Variants in CA10 observed in about 807,000 individuals in gnomAD.
CA10 encodes the protein carbonic anhydrase-related protein 10.
Under a neutral mutation model 44.2 loss-of-function variants are expected in CA10, and 14 were observed. That is an observed-to-expected ratio of 0.32 (90% CI 0.21 to 0.50). The LOEUF is 0.50. Among genes scored for constraint, CA10 ranks in the 20% least tolerant of loss-of-function variants. CA10 has a pLI of 0.99. For synonymous variants in CA10, 159 were observed against 141.6 expected, an observed-to-expected ratio of 1.12 and a Z score of -0.87; for missense variants, 350 against 409.7, an observed-to-expected ratio of 0.85 and a Z score of 1.26.
At chr17:51,831,733 A>AGCAGCAGCAGCAGCCGCAGC (rs1567854687) in intron 3 of CA10, among the ~76,000 whole-genome samples, 4 of 121,522 alleles carry the variant, frequency 3.3e-5, no homozygotes, top group African/African-American at 1.7e-4. Context: ...GCAGCAGCAG[A>AGCAGCAGCAGCAGCCGCAGC]AAAAGACCTT....
chr17:52,059,753 T>C (rs1265138020), intron 2 of CA10, among the ~76,000 whole-genome samples: 1 of 152,082 alleles, frequency 6.6e-6, no homozygotes, highest in African/African-American at 2.4e-5. Context: ...ACTGACTACC[T>C]CCAATGGAGA....
chr17:52,140,997 G>C (rs1270968631), intron 1 of CA10, among the ~76,000 whole-genome samples: 2 of 152,116 alleles, frequency 1.3e-5, no homozygotes, highest in Non-Finnish European at 2.9e-5. Context: ...TCCTAAAATT[G>C]CTTGTTCTCC....
At chr17:52,145,433 C>T (rs898137606) in intron 1 of CA10, among the ~76,000 whole-genome samples, 4 of 152,120 alleles carry the variant, frequency 2.6e-5, no homozygotes, top group Non-Finnish European at 5.9e-5. Context: ...AAATTAATTC[C>T]TCCATGCCAC....
intron 2 of CA10, among the ~76,000 whole-genome samples, chr17:51,935,013 A>AT (rs1982809412): frequency 6.6e-6 from 1 of 152,094 alleles, no homozygotes; most frequent in African/African-American, 2.4e-5. Context: ...CAGAGCAAGG[A>AT]TGGGCGTATG....
chr17:51,670,903 T>C (rs763510060), intron 4 of CA10, among the ~76,000 whole-genome samples: 1 of 152,196 alleles, frequency 6.6e-6, no homozygotes, highest in African/African-American at 2.4e-5. Flanking sequence ...TTGTGTCTGA[T>C]GCCAAAAACA....
intron 3 of CA10, among the ~76,000 whole-genome samples, chr17:51,888,069 G>A (rs922110794): frequency 4.6e-5 from 7 of 151,816 alleles, no homozygotes; most frequent in African/African-American, 1.7e-4. Context: ...AAAACTGTGT[G>A]TGATCACTTC....
At chr17:52,054,614 G>T (rs1385098857) in intron 2 of CA10, among the ~76,000 whole-genome samples, 1 of 151,886 alleles carries the variant, frequency 6.6e-6, no homozygotes, top group Admixed American at 6.6e-5. Context: ...TTGCGGCTTG[G>T]GGGGCATCAC....
At chr17:51,666,605 G>A (rs778485563) in intron 4 of CA10, among the ~76,000 whole-genome samples, 1 of 152,022 alleles carries the variant, frequency 6.6e-6, no homozygotes, top group Non-Finnish European at 1.5e-5. Flanking sequence ...GCCTGCCCAG[G>A]TTCTTGGTGA....
At chr17:51,948,799 A>G (rs1983377188) in intron 2 of CA10, among the ~76,000 whole-genome samples, 1 of 152,136 alleles carries the variant, frequency 6.6e-6, no homozygotes, top group Non-Finnish European at 1.5e-5. Flanking sequence ...CCTAATTGAC[A>G]TAACTTATTA....
At position 51,784,559 on chromosome 17, in the gene CA10, C is replaced by A. The variant is rs573448651; in HGVS notation, c.280-36741G>T. ...TGGTAATTACCATTAGACACTCAAC[C>A]TCCATGAGAACAACTTTTTCTAGCT... On this transcript the variant is annotated intron_variant, in intron 3 of 8. Coordinates refer to ENST00000451037, the MANE Select transcript of CA10 (RefSeq NM_020178.5). Among the ~76,000 whole-genome samples the A allele has an allele frequency of 6.6e-5, 10 of 152,308 alleles. No homozygotes were observed. The South Asian group carries it at 2.1e-3, about 32-fold the overall frequency.
At chr17:51,859,282 G>A (rs1461904027) in intron 3 of CA10, among the ~76,000 whole-genome samples, 2 of 152,064 alleles carry the variant, frequency 1.3e-5, no homozygotes, top group Non-Finnish European at 2.9e-5. Context: ...TCTACCTTGT[G>A]CCTCCTTCAA....
At chr17:51,791,407 T>A (rs1480016524) in intron 3 of CA10, among the ~76,000 whole-genome samples, 1 of 152,230 alleles carries the variant, frequency 6.6e-6, no homozygotes, top group African/African-American at 2.4e-5. Flanking sequence ...TTCATTTTGA[T>A]TGGAATGCAG....
chr17:51,704,606 C>T (rs1915703790), intron 4 of CA10, among the ~76,000 whole-genome samples: 1 of 152,192 alleles, frequency 6.6e-6, no homozygotes, highest in Non-Finnish European at 1.5e-5. Flanking sequence ...TCAGTGGTCT[C>T]CTCTGTCCAC....
intron 2 of CA10, among the ~76,000 whole-genome samples, chr17:51,933,621 GT>G (rs1433778832): frequency 9.9e-5 from 15 of 152,222 alleles, no homozygotes; most frequent in African/African-American, 3.4e-4. Context: ...TGTTATGGCA[GT>G]AACGGAAAAG....
intron 3 of CA10, among the ~76,000 whole-genome samples, chr17:51,879,836 T>C (rs1980282292): frequency 6.6e-6 from 1 of 152,200 alleles, no homozygotes; most frequent in African/African-American, 2.4e-5. Flanking sequence ...GGAAGTGACA[T>C]GTGTCCGTGA....
chr17:51,936,646 C>G (rs567286791), intron 2 of CA10, among the ~76,000 whole-genome samples: 41 of 115,412 alleles, frequency 3.6e-4, no homozygotes, highest in African/African-American at 1.0e-3. Context: ...GAACAGATGG[C>G]TCAGTGCTCT....
intron 4 of CA10, among the ~76,000 whole-genome samples, chr17:51,703,774 A>C (rs1328535160): frequency 6.6e-6 from 1 of 152,206 alleles, no homozygotes; most frequent in Non-Finnish European, 1.5e-5. Flanking sequence ...GACCTAATTA[A>C]AGTTTTTAAA....
chr17:51,859,144 T>C (rs1166020507), intron 3 of CA10, among the ~76,000 whole-genome samples: 1 of 152,162 alleles, frequency 6.6e-6, no homozygotes, highest in Non-Finnish European at 1.5e-5. Flanking sequence ...TGGGGTGATA[T>C]CTTTTTCTCT....
At chr17:51,947,262 C>T (rs1213190953) in intron 2 of CA10, among the ~76,000 whole-genome samples, 3 of 136,448 alleles carry the variant, frequency 2.2e-5, no homozygotes, top group Non-Finnish European at 4.7e-5. Context: ...AAAACCTTGT[C>T]TAGACTTTGA....
Sources: gnomAD v4.1 joint callset for allele counts (sites outside exome capture counted in the v4.1 genomes callset) on GRCh38, gnomAD v4.1.1 for gene constraint, MANE v1.5 for transcripts, NCBI Gene and HGNC (gene_info 2026-07-23, HGNC 2026-07-21) for gene names.